The following BORA variants were observed in gnomAD, a reference collection of about 807,000 sequenced individuals.
BORA encodes protein aurora borealis.
Under a neutral mutation model 55.8 loss-of-function variants are expected in BORA, and 26 were observed. The ratio of observed to expected loss-of-function variants is 0.47; its 90% CI spans 0.34 to 0.65. The LOEUF is 0.65. Among genes scored for constraint, BORA ranks in the 30% least tolerant of loss-of-function variants. BORA has a pLI of 0.01. For missense variants in BORA, 568 were observed against 671.5 expected (o/e 0.85, Z 1.70); for synonymous variants, 201 against 216.9 (o/e 0.93, Z 0.64).
intron 8 of BORA, among the ~76,000 whole-genome samples, chr13:72,745,504 G>A (rs886889208): frequency 4.6e-5 from 7 of 152,112 alleles, no homozygotes; most frequent in South Asian, 2.1e-4. Context: ...ACTCTAGTTC[G>A]TATGTTATCA....
rs780301348 is a variant in BORA at position 72,747,096 on chromosome 13, A to G, written c.1467A>G (p.Glu489=). ...CTGAAAGCAGTGTCATTCCTTGTGA[A>G]AGCAGTAACATTCAGGTAAGGTATT... The part of the protein sequence containing the change: ...PLAESSVIPC[E]SSNIQMDSGY... Residue 489 remains glutamate, a synonymous_variant, in exon 10 of 12, where the codon GAA becomes GAG. Transcript: ENST00000390667. The G allele has an allele frequency of 6.2e-7, 1 of 1,613,402 alleles. No homozygotes were observed. Among genetic ancestry groups the G allele is most frequent in the African/African-American group, 1.3e-5 (1 of 74,902 alleles).
intron 10 of BORA, among the ~76,000 whole-genome samples, chr13:72,751,319 A>T (rs750341644): frequency 5.3e-5 from 8 of 152,216 alleles, no homozygotes; most frequent in African/African-American, 1.2e-4. Context: ...TTGCTGCACT[A>T]TTCATAATAG....
chr13:72,735,952 A>G (rs2032918387), intron 4 of BORA, among the ~76,000 whole-genome samples: 1 of 152,174 alleles, frequency 6.6e-6, no homozygotes, highest in African/African-American at 2.4e-5. Flanking sequence ...TTCCTCAGAA[A>G]GTCTTTATGT....
At chr13:72,740,830 G>C (rs1005392310) in intron 5 of BORA, among the ~76,000 whole-genome samples, 3 of 152,146 alleles carry the variant, frequency 2.0e-5, no homozygotes, top group African/African-American at 7.2e-5. Context: ...ATATTATCTA[G>C]GTTTGAATTG....
chr13:72,748,921 C>T (rs1384398810), intron 10 of BORA, among the ~76,000 whole-genome samples: 1 of 152,130 alleles, frequency 6.6e-6, no homozygotes, highest in East Asian at 1.9e-4. Context: ...CAGGGCTATT[C>T]CATTCATTTT....
rs758011153 is a variant in BORA at position 72,746,570 on chromosome 13, C to T, written c.941C>T (p.Pro314Leu). 12 of 1,613,858 alleles carry T rather than the reference C, an allele frequency of 7.4e-6. No homozygotes were observed. The highest frequency in any genetic ancestry group is 1.7e-5 in the Admixed American group (1 of 60,000). Residue 314 changes from proline (P) to leucine (L), a missense_variant, in exon 10 of 12, where the codon CCG becomes CTG. By Grantham distance (98) the Pro-to-Leu change is moderately conservative (BLOSUM62 -3). Coordinates refer to ENST00000390667, the MANE Select transcript of BORA (RefSeq NM_024808.5). ...ACAAATTCTAATGGGATAACTAATC[C>T]GTGTATCAGAAGTCCTTATATAGAT... ...SGTNSNGITN[P>L]CIRSPYIDGC...
At chr13:72,746,185 C>T (rs2033136695) in intron 9 of BORA, 109 bp downstream of exon 9, 1 of 1,051,100 alleles carries the variant, frequency 9.5e-7, no homozygotes, top group Non-Finnish European at 1.4e-6. Flanking sequence ...TGATCACTAA[C>T]CTTCTAACAT....
At chr13:72,729,117 T>C (rs550190642) in intron 2 of BORA, 24 bp downstream of exon 2, 1 of 1,480,826 alleles carries the variant, frequency 6.8e-7, no homozygotes, top group Non-Finnish European at 9.0e-7. Flanking sequence ...GACTAGTGTT[T>C]ACAACTAATT....
At chr13:72,735,255 A>G (rs959749541) in intron 4 of BORA, among the ~76,000 whole-genome samples, 1 of 152,136 alleles carries the variant, frequency 6.6e-6, no homozygotes, top group African/African-American at 2.4e-5. Flanking sequence ...CCTAGACGCA[A>G]TCTTTTTTGG....
intron 10 of BORA, among the ~76,000 whole-genome samples, chr13:72,751,895 A>G (rs913206582): frequency 6.6e-6 from 1 of 152,162 alleles, no homozygotes; most frequent in African/African-American, 2.4e-5. Context: ...GCAAAAACAT[A>G]AGTAGTAATG....
chr13:72,747,648 C>T (rs1335633594), intron 10 of BORA, among the ~76,000 whole-genome samples: 2 of 151,964 alleles, frequency 1.3e-5, no homozygotes, highest in Non-Finnish European at 2.9e-5. Context: ...ATTCTCCTGC[C>T]TCAGCCTCCT....
intron 1 of BORA, 123 bp downstream of exon 1, chr13:72,728,130 T>A: frequency 1.5e-6 from 2 of 1,338,316 alleles, no homozygotes; most frequent in Non-Finnish European, 2.1e-6. Flanking sequence ...GGAGTAGGTG[T>A]GGAAGAGAGG....
Position 72,756,180 on chromosome 13 carries a change from A to ATTCATATGT in BORA, c.*964_*965insTTCATATGT. On this transcript the variant is annotated 3_prime_UTR_variant, in exon 12 of 12. Transcript: ENST00000390667. Reference sequence around the variant, plus strand: ...AAACTGTCTCATTCAAAAGGGAATAAAGACCTGTGTTATCAATGTGTCATT... The same window carrying ATTCATATGT: ...AAACTGTCTCATTCAAAAGGGAATAATTCATATGTAGACCTGTGTTATCAATGTGTCATT... 2 of 366,076 alleles carry ATTCATATGT rather than the reference A, an allele frequency of 5.5e-6. No homozygotes were observed. The highest frequency in any genetic ancestry group is 9.7e-6 in the Non-Finnish European group (2 of 206,710). The allele number at this position is 366,076 out of a possible 1,614,324, so 22.7% of individuals were successfully genotyped here. A position where few individuals can be genotyped will look rare whatever the true frequency, so the allele number is the denominator to read the frequency against.
chr13:72,754,520 T>C (rs2033390410), intron 11 of BORA: 1 of 152,002 alleles, frequency 6.6e-6, no homozygotes, highest in African/African-American at 2.4e-5. Flanking sequence ...TCAGCAAATG[T>C]GCAACAAATG....
At chr13:72,740,785 A>G (rs2033019553) in intron 5 of BORA, among the ~76,000 whole-genome samples, 1 of 152,242 alleles carries the variant, frequency 6.6e-6, no homozygotes. Flanking sequence ...GATTTGCACC[A>G]TGAACAATAG....
At position 72,753,691 on chromosome 13, in the gene BORA, T is replaced by C. The variant is rs774778848; in HGVS notation, c.1484T>C (p.Met495Thr). The change falls in exon 11 of 12, where the codon ATG (methionine) becomes ACG (threonine). Residue 495 changes from methionine to threonine, a missense_variant and splice_region_variant. Physicochemically the swap from Met to Thr is moderately conservative, Grantham distance 81. Coordinates refer to ENST00000390667, the MANE Select transcript of BORA (RefSeq NM_024808.5). ...TTTTTTTCTTTTTTCTCCTGTCAGA[T>C]GGATAGTGGCTATAATACGCAGAAT... ...VIPCESSNIQ[M>T]DSGYNTQNCG... The C allele has an allele frequency of 6.2e-7, 1 of 1,607,328 alleles. No homozygotes were observed. Among genetic ancestry groups the C allele is most frequent in the Non-Finnish European group, 8.5e-7 (1 of 1,177,706 alleles).
intron 4 of BORA, among the ~76,000 whole-genome samples, chr13:72,735,340 T>C (rs2032898574): frequency 6.6e-6 from 1 of 152,182 alleles, no homozygotes; most frequent in African/African-American, 2.4e-5. Context: ...AAATGTTGAT[T>C]AGCACAAACT....
intron 4 of BORA, among the ~76,000 whole-genome samples, chr13:72,735,251 C>T (rs148778395): frequency 6.6e-6 from 1 of 152,276 alleles, no homozygotes; most frequent in Non-Finnish European, 1.5e-5. Flanking sequence ...GTCCCCTAGA[C>T]GCAATCTTTT....
At chr13:72,736,593 C>T (rs979864212) in intron 4 of BORA, among the ~76,000 whole-genome samples, 8 of 152,010 alleles carry the variant, frequency 5.3e-5, no homozygotes, top group Non-Finnish European at 1.2e-4. Flanking sequence ...GTTACCTAGC[C>T]CCTGTTGACA....
Sources: gnomAD v4.1 joint callset for allele counts (sites outside exome capture counted in the v4.1 genomes callset) on GRCh38, gnomAD v4.1.1 for gene constraint, MANE v1.5 for transcripts, NCBI Gene and HGNC (gene_info 2026-07-23, HGNC 2026-07-21) for gene names.